BPIFB3: variants seen among roughly 807,000 people sequenced by gnomAD.
BPIFB3 encodes BPI fold containing family B member 3.
A neutral mutation model predicts 53.1 loss-of-function variants in BPIFB3; 49 were observed. The observed-to-expected ratio is 0.92, with a 90% CI of 0.73 to 1.17. BPIFB3 has a LOEUF of 1.17. BPIFB3 is among the 50% of genes most tolerant of loss of function. The pLI is 0.00. For synonymous variants in BPIFB3, 271 were observed against 269.6 expected (o/e 1.01, Z -0.05); for missense variants, 628 against 592.5 (o/e 1.06, Z -0.62).
chr20:33,067,256 A>G (rs1271838930), intron 9 of BPIFB3, among the ~76,000 whole-genome samples: 3 of 152,228 alleles, frequency 2.0e-5, no homozygotes, highest in Non-Finnish European at 4.4e-5. Flanking sequence ...GAGGAAAGAA[A>G]AGGGAGAGTG....
intron 2 of BPIFB3, among the ~76,000 whole-genome samples, 200 bp from the exon 4 acceptor site, chr20:33,059,178 T>A (rs972122298): frequency 1.3e-5 from 2 of 152,032 alleles, no homozygotes; most frequent in African/African-American, 4.8e-5. Context: ...TTTGCAACAC[T>A]CCTGTGAGGT....
At chr20:33,073,590 G>A in exon 15 of BPIFB3, 1 of 1,614,108 alleles carries the variant, frequency 6.2e-7, no homozygotes, top group African/African-American at 1.3e-5. Context: ...CTGTTGTGCT[G>A]ACCGTGGCAT....
chr20:33,073,314 G>A (rs1980980828), intron 14 of BPIFB3, among the ~76,000 whole-genome samples: 1 of 152,204 alleles, frequency 6.6e-6, no homozygotes, highest in African/African-American at 2.4e-5. Flanking sequence ...GAGGACCAAG[G>A]CTGAAGTAGG....
In BPIFB3 at chr20:33,064,621, T is replaced by C. The variant is rs377018828; in HGVS notation, c.745-45T>C. The C allele has an allele frequency of 6.9e-4, 1,105 of 1,613,022 alleles. 14 individuals carry two copies. Among genetic ancestry groups the C allele is most frequent in the South Asian group, 1.3e-3 (122 of 91,004 alleles). On this transcript the variant is annotated intron_variant, in intron 7 of 14. Transcript: ENST00000375494. ...GGGATGCCGGATCAAGGCAGGTGGG[T>C]GAGCACCTTAAGACCCTCCTCGGCC...
At chr20:33,059,458 C>A in exon 3 of BPIFB3, 1 of 1,612,152 alleles carries the variant, frequency 6.2e-7, no homozygotes, top group Non-Finnish European at 8.5e-7. Context: ...AGCCTGCACA[C>A]CAAAGTGGGC....
chr20:33,064,870 G>A, intron 8 of BPIFB3, 25 bp downstream of exon 9: 1 of 1,603,666 alleles, frequency 6.2e-7, no homozygotes, highest in Non-Finnish European at 8.5e-7. Flanking sequence ...CGGGGGATGG[G>A]GATGGGGGCT....
intron 12 of BPIFB3, 56 bp downstream of exon 13, chr20:33,071,351 A>G: frequency 6.5e-7 from 1 of 1,538,412 alleles, no homozygotes; most frequent in Non-Finnish European, 8.8e-7. Context: ...CAGGTGTGGC[A>G]TGGAAAGGGG....
chr20:33,061,679 T>C, intron 4 of BPIFB3, 89 bp from the exon 6 acceptor site: 1 of 1,307,000 alleles, frequency 7.7e-7, no homozygotes, highest in South Asian at 1.3e-5. Context: ...AGAGGAGAAA[T>C]CCAGAGCCCC....
chr20:33,059,947 C>T (rs1475004418), exon 4 of BPIFB3: 11 of 1,614,000 alleles, frequency 6.8e-6, no homozygotes, highest in East Asian at 2.2e-5. Flanking sequence ...TCGCGGGTGG[C>T]GCTGGCCGTG....
chr20:33,061,808 C>G lies in BPIFB3; in HGVS notation c.568C>G (p.Leu190Val). 6.2e-7 allele frequency: 1 copy of G among 1,614,228 alleles called. No individual in the cohort carries two copies. Among genetic ancestry groups the G allele is most frequent in the African/African-American group, 1.3e-5 (1 of 75,066 alleles). Residue 190 changes from leucine (L) to valine (V), a missense_variant, in exon 5 of 15, where the codon CTC becomes GTC. Leu to Val is a conservative substitution (Grantham distance 32). Coordinates refer to ENST00000375494, the Ensembl canonical transcript of BPIFB3. ...ACTCTTTGGGGTCGTGGAACAGATG[C>G]TCTTCAAGGTGCTTCCGGGACTGGT...
At chr20:33,056,556 C>G (rs1359341519) in exon 2 of BPIFB3, 2 of 1,613,936 alleles carry the variant, frequency 1.2e-6, no homozygotes, top group South Asian at 2.2e-5. Context: ...CCAGAACTCA[C>G]TGGTTGGGGA....
At chr20:33,071,822 G>A (rs1980909424) in intron 12 of BPIFB3, among the ~76,000 whole-genome samples, 1 of 152,136 alleles carries the variant, frequency 6.6e-6, no homozygotes, top group African/African-American at 2.4e-5. Flanking sequence ...CTTAGGCACT[G>A]CCCACCTCCA....
chr20:33,061,693 T>C, intron 4 of BPIFB3, 75 bp from the exon 6 acceptor site: 1 of 1,441,822 alleles, frequency 6.9e-7, no homozygotes, highest in Non-Finnish European at 9.7e-7. Flanking sequence ...GAGCCCCTAG[T>C]GTCCGCCCGA....
chr20:33,056,025 C>T (rs1210578127), intron 1 of BPIFB3, among the ~76,000 whole-genome samples: 2 of 152,228 alleles, frequency 1.3e-5, no homozygotes, highest in Non-Finnish European at 2.9e-5. Context: ...GCCATTCCTC[C>T]ATCCTGCCCT....
chr20:33,054,342 C>A, upstream of BPIFB3, among the ~76,000 whole-genome samples: 1 of 152,064 alleles, frequency 6.6e-6, no homozygotes, highest in Non-Finnish European at 1.5e-5. Context: ...ATGGTCCCTG[C>A]CTTCATGGAG....
exon 10 of BPIFB3, chr20:33,068,943 G>A: frequency 6.2e-7 from 1 of 1,613,804 alleles, no homozygotes; most frequent in South Asian, 1.1e-5. Context: ...TCCCTAAGGG[G>A]ACCCCTGAAT....
exon 10 of BPIFB3, chr20:33,068,952 A>G (rs1980775947): frequency 1.2e-6 from 2 of 1,613,264 alleles, no homozygotes; most frequent in Non-Finnish European, 1.7e-6. Context: ...GGACCCCTGA[A>G]TCCCTCTTTG....
At chr20:33,062,576 G>A (rs1227394475) in intron 5 of BPIFB3, among the ~76,000 whole-genome samples, 1 of 152,226 alleles carries the variant, frequency 6.6e-6, no homozygotes, top group African/African-American at 2.4e-5. Context: ...GCATGAAGGT[G>A]CATTTCAACG....
chr20:33,062,210 A>G (rs930848079), intron 5 of BPIFB3, among the ~76,000 whole-genome samples: 3 of 152,250 alleles, frequency 2.0e-5, no homozygotes, highest in African/African-American at 7.2e-5. Flanking sequence ...CTAGAAAAAC[A>G]CATGTACCTT....
Sources: allele counts gnomAD v4.1 joint callset (sites outside exome capture counted in the v4.1 genomes callset), GRCh38; gene constraint gnomAD v4.1.1; transcripts MANE v1.5; gene names NCBI Gene and HGNC (gene_info 2026-07-23, HGNC 2026-07-21).